The following RHOBTB1 variants were observed in gnomAD, a reference collection of about 807,000 sequenced individuals.
RHOBTB1 encodes the protein rho-related BTB domain-containing protein 1.
A neutral mutation model predicts 71.6 loss-of-function variants in RHOBTB1; 40 were observed. That is an observed-to-expected ratio of 0.56 (90% confidence interval 0.43 to 0.73). RHOBTB1 has a LOEUF of 0.73. Ranked by LOEUF, RHOBTB1 falls within the 30% of genes least tolerant of loss-of-function variation. The pLI is 0.00. For synonymous variants in RHOBTB1, 319 were observed against 334.9 expected (o/e 0.95, Z 0.52); for missense variants, 797 against 894.0 (o/e 0.89, Z 1.38).
At chr10:60,970,320 C>T (rs1214855433) in intron 2 of RHOBTB1, among the ~76,000 whole-genome samples, 1 of 152,026 alleles carries the variant, frequency 6.6e-6, no homozygotes, top group Non-Finnish European at 1.5e-5. Flanking sequence ...AGCTTATATT[C>T]AGCATAACTA....
At chr10:60,975,125 G>A (rs2134723930) in intron 2 of RHOBTB1, among the ~76,000 whole-genome samples, 1 of 152,124 alleles carries the variant, frequency 6.6e-6, no homozygotes, top group South Asian at 2.1e-4. Context: ...TTGACTGATT[G>A]CTGTATTTTT....
At chr10:60,861,717 C>T in the RHOBTB1 span, among the ~76,000 whole-genome samples, 2 of 152,140 alleles carry the variant, frequency 1.3e-5, no homozygotes, top group African/African-American at 4.8e-5. Context: ...ATTACTATTA[C>T]ATATAGAAAC....
At chr10:60,897,184 G>A (rs550742391) in intron 4 of RHOBTB1, among the ~76,000 whole-genome samples, 1 of 152,264 alleles carries the variant, frequency 6.6e-6, no homozygotes, top group African/African-American at 2.4e-5. Flanking sequence ...TACCACACAT[G>A]TTCTCAGAGA....
At chr10:60,934,822 A>G (rs1461091108) in intron 2 of RHOBTB1, among the ~76,000 whole-genome samples, 1 of 152,218 alleles carries the variant, frequency 6.6e-6, no homozygotes, top group Non-Finnish European at 1.5e-5. Flanking sequence ...GTGAACGTGT[A>G]TTGTAAAGAG....
intron 2 of RHOBTB1, among the ~76,000 whole-genome samples, chr10:60,927,171 A>C (rs2083934102): frequency 6.6e-6 from 1 of 152,258 alleles, no homozygotes. Flanking sequence ...CAAAGAAGTG[A>C]AAGTTACCTA....
intron 2 of RHOBTB1, among the ~76,000 whole-genome samples, chr10:60,918,012 C>A (rs958777930): frequency 6.6e-6 from 1 of 152,070 alleles, no homozygotes; most frequent in African/African-American, 2.4e-5. Context: ...CTTATATTAA[C>A]AAATCATGGA....
intron 2 of RHOBTB1, among the ~76,000 whole-genome samples, chr10:60,984,601 AG>A (rs1310976912): frequency 6.6e-6 from 1 of 152,222 alleles, no homozygotes; most frequent in Admixed American, 6.5e-5. Flanking sequence ...TAGTGTAAAT[AG>A]GATCCTGGTT....
chr10:60,956,953 T>A (rs879715700), intron 2 of RHOBTB1, among the ~76,000 whole-genome samples: 10 of 152,208 alleles, frequency 6.6e-5, no homozygotes, highest in Non-Finnish European at 1.3e-4. Flanking sequence ...GTTTACAGCT[T>A]GAAAAACCAA....
chr10:60,970,135 C>T (rs916789213), intron 2 of RHOBTB1, among the ~76,000 whole-genome samples: 2 of 152,272 alleles, frequency 1.3e-5, no homozygotes, highest in African/African-American at 4.8e-5. Context: ...AGCAAAATGT[C>T]ATAGTGATCA....
At chr10:60,939,741 TTAAACA>T (rs2084799918) in intron 2 of RHOBTB1, among the ~76,000 whole-genome samples, 1 of 152,218 alleles carries the variant, frequency 6.6e-6, no homozygotes, top group Admixed American at 6.5e-5. Flanking sequence ...AGCGACAGTT[TTAAACA>T]TTTCTCTGTT....
At chr10:60,947,582 CT>C (rs201622377), upstream of RHOBTB1, among the ~76,000 whole-genome samples, 2 of 150,930 alleles carry the variant, frequency 1.3e-5, no homozygotes, top group Non-Finnish European at 3.0e-5. Flanking sequence ...TTGAGATTGA[CT>C]TTTTTTGTTT....
intron 2 of RHOBTB1, among the ~76,000 whole-genome samples, chr10:60,918,412 G>A (rs148771404): frequency 2.3e-3 from 351 of 152,198 alleles, no homozygotes; most frequent in African/African-American, 7.1e-3. Context: ...GAAGTTCTGC[G>A]CATGCCCACT....
chr10:60,885,404 C>T (rs551082278), intron 7 of RHOBTB1, among the ~76,000 whole-genome samples: 8 of 152,278 alleles, frequency 5.3e-5, no homozygotes, highest in African/African-American at 1.9e-4. Context: ...AGAGATAGAG[C>T]CAGGGGCTGA....
intron 1 of RHOBTB1, among the ~76,000 whole-genome samples, chr10:60,988,922 T>C (rs1380987756): frequency 1.3e-5 from 2 of 152,202 alleles, no homozygotes; most frequent in African/African-American, 2.4e-5. Flanking sequence ...TTATTCTAGA[T>C]AGCTATACAC....
chr10:60,927,069 G>A (rs372374351), intron 2 of RHOBTB1, among the ~76,000 whole-genome samples: 11 of 152,202 alleles, frequency 7.2e-5, no homozygotes, highest in African/African-American at 2.6e-4. Context: ...ATTGCTATAT[G>A]CCAACAATGA....
intron 5 of RHOBTB1, among the ~76,000 whole-genome samples, chr10:60,892,098 C>T (rs921428377): frequency 6.6e-6 from 1 of 152,220 alleles, no homozygotes; most frequent in African/African-American, 2.4e-5. Flanking sequence ...TCAATTAAAC[C>T]TCTTTCCTTC....
At chr10:60,982,815 C>T (rs1470144090) in intron 2 of RHOBTB1, among the ~76,000 whole-genome samples, 1 of 152,142 alleles carries the variant, frequency 6.6e-6, no homozygotes, top group Non-Finnish European at 1.5e-5. Flanking sequence ...TGTAGACTCT[C>T]ACTCTTGAAC....
rs759133913 is a variant in RHOBTB1, at chr10:60,888,588, T to A, written c.1080A>T (p.Glu360Asp). The A allele has an allele frequency of 5.6e-6, 9 of 1,614,080 alleles. No homozygotes were observed. The African/African-American group carries it at 1.2e-4, about 22-fold the overall frequency. ...GTGTCTCAGGAACTGCACCCTCGGC[T>A]TCCAGCCCCAGAGCCTCCACCAGGC... ...NKSLVEALGL[E>D]AEGAVPETQT... Residue 360 changes from glutamate (E) to aspartate (D), a missense_variant, in exon 6 of 11, where the codon GAA becomes GAT. Glu to Asp is a conservative substitution (Grantham distance 45). This residue lies in a region of RHOBTB1 where 658 missense variants were observed against 681.5 expected (regional missense o/e 0.97). Coordinates refer to ENST00000337910, the MANE Select transcript of RHOBTB1 (RefSeq NM_014836.5).
chr10:60,957,429 C>T (rs1264685905), intron 2 of RHOBTB1, among the ~76,000 whole-genome samples: 2 of 152,094 alleles, frequency 1.3e-5, no homozygotes, highest in Non-Finnish European at 2.9e-5. Context: ...TGTTATGGGA[C>T]CGCTGTCGTA....
Sources: gnomAD v4.1 joint callset for allele counts (sites outside exome capture counted in the v4.1 genomes callset) on GRCh38, gnomAD v4.1.1 for gene constraint, gnomAD v4.1.1 regional missense constraint, MANE v1.5 for transcripts, NCBI Gene and HGNC (gene_info 2026-07-23, HGNC 2026-07-21) for gene names.